Variants in SKAP2 observed in about 807,000 individuals in gnomAD.
The protein encoded by SKAP2 is src kinase-associated phosphoprotein 2.
Under a neutral mutation model 54.9 loss-of-function variants are expected in SKAP2, and 28 were observed. The ratio of observed to expected loss-of-function variants is 0.51; its 90% confidence interval spans 0.38 to 0.70. The LOEUF is 0.70. Ranked by LOEUF, SKAP2 falls within the 30% of genes least tolerant of loss-of-function variation. The pLI is 0.00. For missense variants in SKAP2, 356 were observed against 424.1 expected (o/e 0.84, Z 1.41); for synonymous variants, 137 against 134.3 (o/e 1.02, Z -0.14).
At chr7:26,797,683 G>A (rs899728356) in intron 4 of SKAP2, among the ~76,000 whole-genome samples, 11 of 152,150 alleles carry the variant, frequency 7.2e-5, no homozygotes, top group African/African-American at 2.7e-4. Flanking sequence ...AATTAAATAA[G>A]GTGCCAGGGA....
At chr7:26,785,639 C>A (rs1177959411) in intron 4 of SKAP2, among the ~76,000 whole-genome samples, 1 of 152,138 alleles carries the variant, frequency 6.6e-6, no homozygotes, top group Non-Finnish European at 1.5e-5. Flanking sequence ...CATGGTCTAT[C>A]CTCCAAACTT....
chr7:26,784,803 G>A (rs372168635), intron 4 of SKAP2, among the ~76,000 whole-genome samples: 1 of 152,098 alleles, frequency 6.6e-6, no homozygotes, highest in East Asian at 1.9e-4. Flanking sequence ...TCCCTCTCCT[G>A]TTAAAAATTA....
At chr7:26,686,877 G>A (rs1786656067) in intron 10 of SKAP2, among the ~76,000 whole-genome samples, 1 of 152,052 alleles carries the variant, frequency 6.6e-6, no homozygotes, top group Admixed American at 6.6e-5. Context: ...CTAAATGGCT[G>A]GTTTCTTTAG....
At chr7:26,727,207 G>T (rs185330343) in intron 6 of SKAP2, among the ~76,000 whole-genome samples, 1 of 152,184 alleles carries the variant, frequency 6.6e-6, no homozygotes, top group Admixed American at 6.6e-5. Context: ...GACTTACAAG[G>T]AGGTCTGCAG....
At chr7:26,679,665 G>A (rs558604277) in intron 11 of SKAP2, among the ~76,000 whole-genome samples, 3 of 152,266 alleles carry the variant, frequency 2.0e-5, no homozygotes, top group East Asian at 3.9e-4. Flanking sequence ...GGCATACTGG[G>A]TCATACGGTT....
At chr7:26,696,138 A>T (rs970357207) in intron 9 of SKAP2, among the ~76,000 whole-genome samples, 34 of 152,324 alleles carry the variant, frequency 2.2e-4, no homozygotes, top group African/African-American at 8.2e-4. Flanking sequence ...ACTACTGGTA[A>T]TATGAAGGAT....
chr7:26,721,183 T>C (rs1787569051), intron 9 of SKAP2, among the ~76,000 whole-genome samples: 1 of 152,180 alleles, frequency 6.6e-6, no homozygotes, highest in Non-Finnish European at 1.5e-5. Flanking sequence ...TAAAACAATG[T>C]TAATACCACA....
chr7:26,783,455 C>T lies in SKAP2; in HGVS notation c.308-43491G>A, dbSNP rs373939005. On this transcript the variant is annotated intron_variant, in intron 4 of 12. Coordinates refer to ENST00000345317, the MANE Select transcript of SKAP2 (RefSeq NM_003930.5). ...GCAATATATACAAGACCCACCAAGA[C>T]CAGAACAAACCAACTACAAATCCAA... 7.9e-4 allele frequency among the ~76,000 whole-genome samples: 120 copies of T among 152,178 alleles called. 1 individual carries two copies. The highest frequency in any genetic ancestry group is 2.2e-3 in the Admixed American group (33 of 15,286).
chr7:26,792,834 GCAGA>G (rs1783698598), intron 4 of SKAP2, among the ~76,000 whole-genome samples: 2 of 152,126 alleles, frequency 1.3e-5, no homozygotes, highest in South Asian at 2.1e-4. Context: ...CTTTTACAAG[GCAGA>G]CAGACAGAAG....
At chr7:26,812,992 G>A (rs1562620509) in intron 4 of SKAP2, among the ~76,000 whole-genome samples, 1 of 152,154 alleles carries the variant, frequency 6.6e-6, no homozygotes, top group East Asian at 1.9e-4. Flanking sequence ...TCATTCCTGT[G>A]AGAACTATAT....
intron 9 of SKAP2, among the ~76,000 whole-genome samples, chr7:26,703,795 T>C (rs1787099931): frequency 1.3e-5 from 2 of 152,180 alleles, no homozygotes. Flanking sequence ...TCAAAACCCA[T>C]CATTAACATT....
intron 10 of SKAP2, among the ~76,000 whole-genome samples, chr7:26,686,829 G>A (rs1035370677): frequency 6.6e-6 from 1 of 152,066 alleles, no homozygotes. Context: ...AACATGCGAG[G>A]CCCTCCCCCA....
chr7:26,773,784 T>A (rs931282558), intron 4 of SKAP2, among the ~76,000 whole-genome samples: 8 of 152,154 alleles, frequency 5.3e-5, no homozygotes, highest in African/African-American at 1.9e-4. Context: ...TATCTTGTAC[T>A]GAAAAGCAGC....
rs1205656308 is a variant in SKAP2, at chr7:26,669,411, TA to T, written c.*254del. The T allele has an allele frequency of 2.0e-5, 3 of 152,120 alleles. No homozygotes were observed. Among genetic ancestry groups the T allele is most frequent in the African/African-American group, 4.8e-5 (2 of 41,428 alleles). 9.4% of individuals were successfully genotyped at this position (152,120 alleles called of 1,614,324 possible). A position where few individuals can be genotyped will look rare whatever the true frequency, so the allele number is the denominator to read the frequency against. ...TCTTCACACAAATCAAATGGGTAAA[TA>T]AAAACTATAATTATTTCTTTGCAAA... On this transcript the variant is annotated 3_prime_UTR_variant, in exon 13 of 13. Coordinates refer to ENST00000345317, the MANE Select transcript of SKAP2 (RefSeq NM_003930.5).
intron 4 of SKAP2, among the ~76,000 whole-genome samples, chr7:26,832,192 A>T (rs868320013): frequency 1.1e-4 from 17 of 152,188 alleles, no homozygotes; most frequent in African/African-American, 3.9e-4. Flanking sequence ...AAAGTTGGTA[A>T]GGTTTCCAAC....
intron 4 of SKAP2, among the ~76,000 whole-genome samples, chr7:26,812,917 A>G (rs1014328281): frequency 2.0e-5 from 3 of 151,890 alleles, no homozygotes; most frequent in African/African-American, 7.3e-5. Flanking sequence ...CCCCAAATTT[A>G]TCTTTTCTCA....
chr7:26,844,771 A>C (rs1039029792), intron 3 of SKAP2, among the ~76,000 whole-genome samples: 1 of 152,178 alleles, frequency 6.6e-6, no homozygotes, highest in Non-Finnish European at 1.5e-5. Flanking sequence ...AATTCAAGTA[A>C]GGGTAATTTA....
the SKAP2 span, among the ~76,000 whole-genome samples, chr7:26,661,117 A>G: frequency 3.9e-5 from 6 of 152,236 alleles, no homozygotes; most frequent in African/African-American, 1.4e-4. Context: ...AATATGCTCA[A>G]TTTTTTAGAT....
chr7:26,763,798 A>C (rs1337443988), intron 4 of SKAP2, among the ~76,000 whole-genome samples: 4 of 132,888 alleles, frequency 3.0e-5, no homozygotes, highest in Non-Finnish European at 6.6e-5. Flanking sequence ...GCAATATTAT[A>C]TATAGCCTAT....
Sources: gnomAD v4.1 joint callset for allele counts (sites outside exome capture counted in the v4.1 genomes callset) on GRCh38, gnomAD v4.1.1 for gene constraint, MANE v1.5 for transcripts, NCBI Gene and HGNC (gene_info 2026-07-23, HGNC 2026-07-21) for gene names.